ITGA2: variants seen among roughly 807,000 people sequenced by gnomAD.
The protein encoded by ITGA2 is integrin alpha-2.
In ITGA2, 101 loss-of-function variants were observed where a neutral mutation model predicts 146.3. The observed-to-expected ratio is 0.69, with a 90% CI of 0.59 to 0.81. The LOEUF (loss-of-function observed/expected upper bound fraction) is 0.81, where lower values mean the gene tolerates loss of function less well. ITGA2 is among the 40% of genes least tolerant of loss of function. The pLI is 0.00. For missense variants in ITGA2, 1,281 were observed against 1,402.7 expected, an observed-to-expected ratio of 0.91 and a Z score of 1.39; for synonymous variants, 477 against 487.1, an observed-to-expected ratio of 0.98 and a Z score of 0.27.
chr5:53,077,089 TA>T (rs1311960431), intron 23 of ITGA2, among the ~76,000 whole-genome samples: 5 of 152,044 alleles, frequency 3.3e-5, no homozygotes, highest in African/African-American at 1.2e-4. Flanking sequence ...AAAGGAATGA[TA>T]AAACACTCTT....
intron 7 of ITGA2, among the ~76,000 whole-genome samples, chr5:53,054,163 G>A (rs2910966): frequency 0.1 from 15,785 of 152,070 alleles, 958 homozygotes; most frequent in African/African-American, 0.16. Context: ...AGATTCTGTG[G>A]CCTTTGTTAA....
intron 24 of ITGA2, among the ~76,000 whole-genome samples, chr5:53,080,032 T>G (rs1372151544): frequency 1.3e-5 from 2 of 152,096 alleles, no homozygotes; most frequent in Non-Finnish European, 2.9e-5. Flanking sequence ...AAGAAAAGCA[T>G]AGAGAGGTCA....
intron 2 of ITGA2, among the ~76,000 whole-genome samples, chr5:53,041,276 T>C (rs1743787016): frequency 6.6e-6 from 1 of 152,268 alleles, no homozygotes; most frequent in Middle Eastern, 3.4e-3. Context: ...AGAAAACCCA[T>C]ATTCTCTAGG....
chr5:53,073,039 T>C (rs1038124896), intron 19 of ITGA2, 79 bp from the exon 20 acceptor site: 2 of 1,461,576 alleles, frequency 1.4e-6, no homozygotes, highest in Admixed American at 1.7e-5. Context: ...GTTTAGTTTT[T>C]TAATGAGTGA....
intron 2 of ITGA2, among the ~76,000 whole-genome samples, chr5:53,027,589 G>A (rs1387062833): frequency 6.6e-6 from 1 of 152,196 alleles, no homozygotes; most frequent in South Asian, 2.1e-4. Flanking sequence ...TTGTATTTGG[G>A]AAGAAGCGCT....
intron 27 of ITGA2, among the ~76,000 whole-genome samples, chr5:53,083,859 GCT>G (rs1746034761): frequency 2.6e-5 from 4 of 152,146 alleles, no homozygotes; most frequent in Admixed American, 2.0e-4. Flanking sequence ...CACTCCTTGA[GCT>G]CTCAGTTAAT....
At chr5:53,060,051 C>G (rs1462078573) in intron 11 of ITGA2, 39 bp downstream of exon 11, 2 of 1,606,236 alleles carry the variant, frequency 1.2e-6, no homozygotes, top group Non-Finnish European at 1.7e-6. Flanking sequence ...AACTTAAGTT[C>G]CCTTGCTTTA....
chr5:53,080,473 TC>T, intron 24 of ITGA2, 37 bp from the exon 25 acceptor site: 1 of 1,485,938 alleles, frequency 6.7e-7, no homozygotes, highest in Non-Finnish European at 9.4e-7. Context: ...ATCATGTACA[TC>T]CTGTTGCAGT....
chr5:53,061,140 A>G, intron 12 of ITGA2, 94 bp downstream of exon 12: 3 of 1,187,308 alleles, frequency 2.5e-6, no homozygotes, highest in African/African-American at 1.5e-5. Context: ...ACATGGCCTG[A>G]GTGCCTACTC....
At chr5:53,003,038 A>C (rs1741665315) in intron 1 of ITGA2, among the ~76,000 whole-genome samples, 1 of 152,194 alleles carries the variant, frequency 6.6e-6, no homozygotes, top group African/African-American at 2.4e-5. Flanking sequence ...TTCTTATGAT[A>C]ACCAGCCTTG....
chr5:52,998,677 T>G (rs111304579), intron 1 of ITGA2, among the ~76,000 whole-genome samples: 1 of 152,188 alleles, frequency 6.6e-6, no homozygotes, highest in Non-Finnish European at 1.5e-5. Context: ...TCCATAGCAA[T>G]GTTACATTCT....
At chr5:53,027,142 G>A (rs1193701535) in intron 2 of ITGA2, among the ~76,000 whole-genome samples, 2 of 146,170 alleles carry the variant, frequency 1.4e-5, no homozygotes, top group East Asian at 3.9e-4. Context: ...TAATACATAG[G>A]TAGGTAGATT....
At position 53,078,996 on chromosome 5, in the gene ITGA2, G is replaced by A. The variant is rs1745787087; in HGVS notation, c.2928+122G>A. The A allele has an allele frequency of 4.3e-6, 3 of 701,150 alleles. No individual in the cohort carries two copies. In the East Asian group the frequency reaches 8.2e-5, roughly 19 times the overall value. The allele number at this position is 701,150 out of a possible 1,614,324, so 43.4% of individuals were successfully genotyped here. On this transcript the variant is annotated intron_variant, in intron 24 of 29. Coordinates refer to ENST00000296585, the MANE Select transcript of ITGA2 (RefSeq NM_002203.4). ...AGAGATCCGTGGTTCTCAAACTTGG[G>A]TGTGCATTACAATCACCTGGAGGAA...
intron 14 of ITGA2, 83 bp downstream of exon 14, chr5:53,065,198 A>G: frequency 2.3e-6 from 3 of 1,324,488 alleles, no homozygotes; most frequent in Non-Finnish European, 3.2e-6. Flanking sequence ...AAACCATGCA[A>G]TCCGTCCGCC....
At chr5:53,006,861 A>C (rs748295821) in intron 1 of ITGA2, among the ~76,000 whole-genome samples, 4 of 152,132 alleles carry the variant, frequency 2.6e-5, no homozygotes, top group Middle Eastern at 6.3e-3. Flanking sequence ...CAACAAAAAC[A>C]TAAAAAAAAA....
rs185209284 is a variant in ITGA2, at chr5:53,079,152, T to C, written c.2928+278T>C. Reference sequence around the variant, plus strand: ...TGCTGCTGGTCCAGGTGCCATACTTTGATAACCAATAGGCTAGATCATAGT... The same window carrying C: ...TGCTGCTGGTCCAGGTGCCATACTTCGATAACCAATAGGCTAGATCATAGT... On this transcript the variant is annotated intron_variant, in intron 24 of 29. Coordinates refer to ENST00000296585, the MANE Select transcript of ITGA2 (RefSeq NM_002203.4). 1.2e-4 allele frequency among the ~76,000 whole-genome samples: 18 copies of C among 152,244 alleles called. No homozygotes were observed. In the East Asian group the frequency reaches 3.5e-3, roughly 30 times the overall value.
intron 1 of ITGA2, among the ~76,000 whole-genome samples, chr5:52,999,443 C>G (rs1450420931): frequency 6.6e-6 from 1 of 151,962 alleles, no homozygotes; most frequent in Non-Finnish European, 1.5e-5. Flanking sequence ...TTGTTTGTTA[C>G]TATTTCACGG....
intron 1 of ITGA2, among the ~76,000 whole-genome samples, chr5:52,998,929 G>A (rs1741432294): frequency 6.6e-6 from 1 of 152,194 alleles, no homozygotes; most frequent in African/African-American, 2.4e-5. Flanking sequence ...AATTCTATTT[G>A]TAAGTGTATC....
At chr5:53,073,681 AT>A (rs1287046625) in intron 20 of ITGA2, among the ~76,000 whole-genome samples, 1 of 151,902 alleles carries the variant, frequency 6.6e-6, no homozygotes, top group Non-Finnish European at 1.5e-5. Context: ...CTTGATCATT[AT>A]ACCAGGAGCA....
Sources: allele counts gnomAD v4.1 joint callset (sites outside exome capture counted in the v4.1 genomes callset), GRCh38; gene constraint gnomAD v4.1.1; transcripts MANE v1.5; gene names NCBI Gene and HGNC (gene_info 2026-07-23, HGNC 2026-07-21).